MAPK10: variants seen among roughly 807,000 people sequenced by gnomAD.
MAPK10 encodes the protein JNK3 alpha protein kinase.
A neutral mutation model predicts 59.3 loss-of-function variants in MAPK10; 25 were observed. The ratio of observed to expected loss-of-function variants is 0.42; its 90% CI spans 0.31 to 0.59. The LOEUF (loss-of-function observed/expected upper bound fraction) is 0.59. Among genes scored for constraint, MAPK10 ranks in the 20% least tolerant of loss-of-function variants. The pLI, the probability that MAPK10 is intolerant of heterozygous loss-of-function variation, is 0.15. For missense variants in MAPK10, 351 were observed against 568.9 expected (o/e 0.62, Z 3.90); for synonymous variants, 190 against 200.5 (o/e 0.95, Z 0.44).
chr4:86,077,020 T>A (rs1051250366), intron 9 of MAPK10, among the ~76,000 whole-genome samples: 1 of 152,112 alleles, frequency 6.6e-6, no homozygotes, highest in African/African-American at 2.4e-5. Flanking sequence ...ATGCATTGAA[T>A]ACAAATGGAA....
At chr4:86,415,017 AC>A (rs1308345923) in intron 1 of MAPK10, among the ~76,000 whole-genome samples, 2 of 151,234 alleles carry the variant, frequency 1.3e-5, no homozygotes, top group Non-Finnish European at 2.9e-5. Flanking sequence ...ATATTCCTGT[AC>A]CCCCAGCTAC....
At chr4:86,109,553 A>C (rs1357778504) in intron 4 of MAPK10, among the ~76,000 whole-genome samples, 2 of 152,224 alleles carry the variant, frequency 1.3e-5, no homozygotes, top group East Asian at 3.9e-4. Flanking sequence ...TGTCCCTGCA[A>C]AGGACAAGAT....
At chr4:86,592,774 A>G (rs1763157964) in intron 1 of MAPK10, among the ~76,000 whole-genome samples, 1 of 152,166 alleles carries the variant, frequency 6.6e-6, no homozygotes, top group Non-Finnish European at 1.5e-5. Flanking sequence ...GACTTTCCTC[A>G]TCTTTGCTGC....
At chr4:86,274,445 A>G (rs952737530) in intron 2 of MAPK10, among the ~76,000 whole-genome samples, 5 of 151,872 alleles carry the variant, frequency 3.3e-5, no homozygotes, top group Non-Finnish European at 7.4e-5. Flanking sequence ...CTAATGTATA[A>G]TCTTTTTTTT....
chr4:86,189,553 T>G (rs965762535), intron 3 of MAPK10, among the ~76,000 whole-genome samples: 2 of 152,188 alleles, frequency 1.3e-5, no homozygotes, highest in African/African-American at 4.8e-5. Context: ...TCTGTTTGTC[T>G]ATTATTGGTA....
chr4:86,566,307 G>T (rs1761056305), intron 1 of MAPK10, among the ~76,000 whole-genome samples: 1 of 152,176 alleles, frequency 6.6e-6, no homozygotes, highest in Non-Finnish European at 1.5e-5. Flanking sequence ...GATGATAGTG[G>T]ATCTATGGAA....
intron 1 of MAPK10, among the ~76,000 whole-genome samples, chr4:86,389,106 T>C (rs984659554): frequency 1.3e-4 from 20 of 152,168 alleles, no homozygotes; most frequent in Non-Finnish European, 2.2e-4. Flanking sequence ...TCTCCCGCTT[T>C]GGTGCTGTTC....
intron 2 of MAPK10, among the ~76,000 whole-genome samples, chr4:86,228,044 A>G (rs1285717778): frequency 2.0e-5 from 3 of 152,066 alleles, no homozygotes; most frequent in Non-Finnish European, 4.4e-5. Context: ...CTTGTTGGCT[A>G]TTTATTGAAA....
intron 1 of MAPK10, among the ~76,000 whole-genome samples, chr4:86,524,950 T>C (rs942294670): frequency 1.3e-5 from 2 of 151,728 alleles, no homozygotes; most frequent in African/African-American, 4.8e-5. Context: ...AAAAATAATT[T>C]ATAGTCTCTA....
At chr4:86,319,061 T>A (rs1292908545) in intron 2 of MAPK10, among the ~76,000 whole-genome samples, 1 of 152,198 alleles carries the variant, frequency 6.6e-6, no homozygotes, top group African/African-American at 2.4e-5. Context: ...ACACTCATTC[T>A]TCAGTTCAAA....
chr4:86,592,676 T>C (rs935551765), intron 1 of MAPK10, among the ~76,000 whole-genome samples: 43 of 152,254 alleles, frequency 2.8e-4, no homozygotes, highest in African/African-American at 9.2e-4. Flanking sequence ...CATCCACTTG[T>C]GTTTCCCATC....
At chr4:86,128,062 A>G (rs1185614449) in intron 4 of MAPK10, among the ~76,000 whole-genome samples, 1 of 152,110 alleles carries the variant, frequency 6.6e-6, no homozygotes, top group Non-Finnish European at 1.5e-5. Flanking sequence ...TCATTAGCTT[A>G]GACTGGAAAA....
At chr4:86,058,932 C>T (rs1246396085) in intron 11 of MAPK10, among the ~76,000 whole-genome samples, 1 of 152,154 alleles carries the variant, frequency 6.6e-6, no homozygotes, top group African/African-American at 2.4e-5. Flanking sequence ...TTCACTTCAT[C>T]ATGGTTGCTG....
At chr4:86,592,894 AT>A (rs1234155598) in intron 1 of MAPK10, among the ~76,000 whole-genome samples, 1 of 152,178 alleles carries the variant, frequency 6.6e-6, no homozygotes, top group Non-Finnish European at 1.5e-5. Context: ...TTGGCTGCAC[AT>A]TTTAGCTATA....
chr4:86,472,555 G>A (rs765365355), intron 1 of MAPK10, among the ~76,000 whole-genome samples: 11 of 152,016 alleles, frequency 7.2e-5, no homozygotes, highest in Non-Finnish European at 1.2e-4. Flanking sequence ...GTGGTGGGAG[G>A]ATCACTTGAG....
intron 1 of MAPK10, among the ~76,000 whole-genome samples, chr4:86,487,400 G>T (rs909350677): frequency 7.3e-5 from 11 of 151,242 alleles, no homozygotes; most frequent in Non-Finnish European, 1.5e-4. Flanking sequence ...GAGAAAGAAG[G>T]AGTATAATAA....
chr4:86,366,625 A>G (rs1174012117), intron 1 of MAPK10, among the ~76,000 whole-genome samples: 2 of 152,166 alleles, frequency 1.3e-5, no homozygotes, highest in Non-Finnish European at 2.9e-5. Context: ...GGAGATTTAC[A>G]TAGCAATCAA....
At chr4:86,577,271 A>C (rs1761970708) in intron 1 of MAPK10, among the ~76,000 whole-genome samples, 1 of 152,130 alleles carries the variant, frequency 6.6e-6, no homozygotes, top group Non-Finnish European at 1.5e-5. Flanking sequence ...TGATCATGAC[A>C]CTGCACTCTA....
chr4:86,274,560 C>T (rs570827996), intron 2 of MAPK10, among the ~76,000 whole-genome samples: 4 of 151,804 alleles, frequency 2.6e-5, no homozygotes, highest in East Asian at 1.9e-4. Context: ...TTTCTCTTGA[C>T]GGGACTTTAC....
Sources: allele counts gnomAD v4.1 joint callset (sites outside exome capture counted in the v4.1 genomes callset), GRCh38; gene constraint gnomAD v4.1.1; transcripts MANE v1.5; gene names NCBI Gene and HGNC (gene_info 2026-07-23, HGNC 2026-07-21).